ASPSCR1: variants seen among roughly 807,000 people sequenced by gnomAD.
The protein encoded by ASPSCR1 is ASPSCR1 tether for SLC2A4, UBX domain containing.
Under a neutral mutation model 68.9 loss-of-function variants are expected in ASPSCR1, and 55 were observed. That is an observed-to-expected ratio of 0.80 (90% CI 0.64 to 1.00). The LOEUF (loss-of-function observed/expected upper bound fraction) is 1.00, where lower values mean the gene tolerates loss of function less well. Ranked by LOEUF, ASPSCR1 falls within the 50% of genes least tolerant of loss-of-function variation. ASPSCR1 has a pLI of 0.00. For synonymous variants in ASPSCR1, 352 were observed against 332.6 expected, an observed-to-expected ratio of 1.06 and a Z score of -0.63; for missense variants, 765 against 762.2, an observed-to-expected ratio of 1.00 and a Z score of -0.04.
In ASPSCR1 at chr17:81,985,494, T is replaced by G. The variant is rs1376215697; in HGVS notation, c.274-13T>G. 1 of 1,613,322 alleles carries G rather than the reference T, an allele frequency of 6.2e-7. No homozygotes were observed. The highest frequency in any genetic ancestry group is 1.7e-5 in the Admixed American group (1 of 60,026). On this transcript the variant is annotated splice_polypyrimidine_tract_variant and intron_variant, in intron 3 of 15. Coordinates refer to ENST00000306739, the MANE Select transcript of ASPSCR1 (RefSeq NM_024083.4). Reference sequence around the variant, plus strand: ...TCTTCCTAAGGAAGTTTCTCATGTCTTATACCCTCCAGGTTCGCATCGCTT... The same window carrying G: ...TCTTCCTAAGGAAGTTTCTCATGTCGTATACCCTCCAGGTTCGCATCGCTT...
intron 13 of ASPSCR1, 79 bp from the exon 14 acceptor site, chr17:82,016,721 G>A: frequency 6.6e-7 from 1 of 1,523,758 alleles, no homozygotes; most frequent in Non-Finnish European, 8.9e-7. Flanking sequence ...CCAGAGCTGA[G>A]TGCTGGTGGG....
intron 10 of ASPSCR1, 25 bp from the exon 11 acceptor site, chr17:82,011,518 T>A: frequency 6.3e-7 from 1 of 1,575,144 alleles, no homozygotes; most frequent in East Asian, 2.4e-5. Context: ...AAGAGCTGTC[T>A]GTATGTTCTT....
In ASPSCR1 at chr17:81,999,143, G is replaced by A. The variant is rs573211910; in HGVS notation, c.933+2297G>A. On this transcript the variant is annotated intron_variant, in intron 7 of 15. Transcript: ENST00000306739. The surrounding 1 kb of genome is among the most constrained non-coding windows in gnomAD (Gnocchi z 4.4). ...GGTTTTGTGCCAAAAGAGGCAGACT[G>A]GGGGACTGTCATGCGGCTTTCGGTG... Among the ~76,000 whole-genome samples, 61 of 152,372 alleles carry A rather than the reference G, an allele frequency of 4.0e-4. No individual in the cohort carries two copies. The highest frequency in any genetic ancestry group is 1.5e-3 in the African/African-American group (61 of 41,584).
chr17:82,000,197 C>T (rs896609833), intron 7 of ASPSCR1, among the ~76,000 whole-genome samples: 1 of 152,262 alleles, frequency 6.6e-6, no homozygotes. Context: ...AGGCGTGGGC[C>T]TCAGCCCCTT....
At position 82,001,702 on chromosome 17, in the gene ASPSCR1, G is replaced by A. The variant is rs563958076; in HGVS notation, c.933+4856G>A. ...GACCCCACTGGCCCCTTCTGGCCTGGACTCTCCTCCCCGTTGGGCCCAAGA... is the reference window on the plus strand; with the variant it reads ...GACCCCACTGGCCCCTTCTGGCCTGAACTCTCCTCCCCGTTGGGCCCAAGA... On this transcript the variant is annotated intron_variant, in intron 7 of 15. Coordinates refer to ENST00000306739, the MANE Select transcript of ASPSCR1 (RefSeq NM_024083.4). 1.1e-3 allele frequency among the ~76,000 whole-genome samples: 171 copies of A among 152,316 alleles called. 1 individual carries two copies. The highest frequency in any genetic ancestry group is 1.7e-3 in the Non-Finnish European group (114 of 68,004).
intron 3 of ASPSCR1, among the ~76,000 whole-genome samples, chr17:81,985,096 G>A (rs1392046564): frequency 7.8e-6 from 1 of 128,426 alleles, no homozygotes. Context: ...ACACATCTGC[G>A]CACATACCCG....
intron 7 of ASPSCR1, among the ~76,000 whole-genome samples, chr17:81,997,683 G>A (rs553669428): frequency 1.3e-5 from 2 of 149,768 alleles, no homozygotes; most frequent in Non-Finnish European, 1.5e-5. Context: ...TAGAGACAGG[G>A]TTTTACCATG....
rs756320525 is a variant in ASPSCR1 at position 81,995,005 on chromosome 17, G to A, written c.432+127G>A. 8 of 1,066,296 alleles carry A rather than the reference G, an allele frequency of 7.5e-6. No homozygotes were observed. The East Asian group carries it at 8.3e-5, about 11-fold the overall frequency. 66.1% of individuals were successfully genotyped at this position (1,066,296 alleles called of 1,614,324 possible). Reference sequence around the variant, plus strand: ...AGACTCGGGCTCTTGAAAGCACGACGTGTTTCATGGAAAAAGAGGGAGTGG... The same window carrying A: ...AGACTCGGGCTCTTGAAAGCACGACATGTTTCATGGAAAAAGAGGGAGTGG... On this transcript the variant is annotated intron_variant, in intron 5 of 15. Coordinates refer to ENST00000306739, the MANE Select transcript of ASPSCR1 (RefSeq NM_024083.4).
intron 11 of ASPSCR1, 31 bp downstream of exon 11, chr17:82,011,636 C>T (rs2042950106): frequency 1.9e-6 from 3 of 1,601,624 alleles, no homozygotes; most frequent in African/African-American, 2.7e-5. Context: ...CCACTCCTGC[C>T]TCCAGTGCTC....
intron 7 of ASPSCR1, chr17:82,007,347 T>TA (rs775205923): frequency 6.6e-6 from 1 of 152,188 alleles, no homozygotes; most frequent in African/African-American, 2.4e-5. Flanking sequence ...CCACAGGAAT[T>TA]AGAGATTTTT....
chr17:82,003,323 C>T (rs1945088257), intron 7 of ASPSCR1, among the ~76,000 whole-genome samples: 2 of 152,240 alleles, frequency 1.3e-5, no homozygotes, highest in South Asian at 4.1e-4. Flanking sequence ...TGGTGTGTGC[C>T]TGTAGCCCCA....
intron 4 of ASPSCR1, among the ~76,000 whole-genome samples, chr17:81,992,965 C>G (rs1047040240): frequency 6.6e-6 from 1 of 152,210 alleles, no homozygotes; most frequent in East Asian, 1.9e-4. Context: ...GTCCACGACC[C>G]TGTGGGGCCT....
chr17:81,988,973 T>G (rs1364933195), intron 4 of ASPSCR1, among the ~76,000 whole-genome samples: 1 of 152,080 alleles, frequency 6.6e-6, no homozygotes, highest in Non-Finnish European at 1.5e-5. Flanking sequence ...TTTGGGAGGC[T>G]GAGGCAGATG....
At chr17:81,978,120 C>T (rs543448826) in intron 1 of ASPSCR1, 19 of 160,674 alleles carry the variant, frequency 1.2e-4, no homozygotes, top group South Asian at 4.1e-4. Context: ...GAGCGGGAGC[C>T]CGGGTTGCGC....
At chr17:82,014,809 T>G (rs1598437774) in intron 12 of ASPSCR1, 1 of 541,200 alleles carries the variant, frequency 1.8e-6, no homozygotes, top group Non-Finnish European at 3.3e-6. Context: ...GGGCAAGGGG[T>G]TGGCAGCAGA....
chr17:82,008,392 G>C (rs1051315668), intron 7 of ASPSCR1: 2 of 152,346 alleles, frequency 1.3e-5, no homozygotes, highest in African/African-American at 4.8e-5. Flanking sequence ...GAGGGGGGAC[G>C]GGGCCGAGTG....
intron 9 of ASPSCR1, among the ~76,000 whole-genome samples, chr17:82,010,304 C>T (rs1241772095): frequency 6.6e-5 from 10 of 150,896 alleles, no homozygotes; most frequent in South Asian, 2.1e-4. Context: ...CCAAGGTGGG[C>T]GGATCATGAG....
At chr17:82,015,241 C>G in intron 12 of ASPSCR1, 6 of 1,598,302 alleles carry the variant, frequency 3.8e-6, no homozygotes, top group Non-Finnish European at 5.1e-6. Flanking sequence ...TCTCCAAGCA[C>G]TGGTCAGCCT....
intron 1 of ASPSCR1, 23 bp from the exon 2 acceptor site, chr17:81,979,161 C>T (rs1216990847): frequency 6.2e-7 from 1 of 1,613,710 alleles, no homozygotes. Flanking sequence ...CAGCAGTTCA[C>T]CATCCTTTCA....
Sources: allele counts gnomAD v4.1 joint callset (sites outside exome capture counted in the v4.1 genomes callset), GRCh38; gene constraint gnomAD v4.1.1; non-coding constraint Gnocchi (gnomAD v3.1); transcripts MANE v1.5; gene names NCBI Gene and HGNC (gene_info 2026-07-23, HGNC 2026-07-21).